RGS6: variants seen among roughly 807,000 people sequenced by gnomAD.
The protein encoded by RGS6 is regulator of G protein signaling 6.
In RGS6, 30 loss-of-function variants were observed where a neutral mutation model predicts 78.5. The observed-to-expected ratio is 0.38, with a 90% confidence interval of 0.29 to 0.52. RGS6 has a LOEUF of 0.52. Among genes scored for constraint, RGS6 ranks in the 20% least tolerant of loss-of-function variants. The pLI is 0.85. For missense variants in RGS6, 495 were observed against 609.7 expected (o/e 0.81, Z 1.98); for synonymous variants, 206 against 206.0 (o/e 1.00, Z 0.00).
chr14:72,264,651 A>G (rs563250397), intron 2 of RGS6, among the ~76,000 whole-genome samples: 2 of 152,260 alleles, frequency 1.3e-5, no homozygotes, highest in African/African-American at 4.8e-5. Flanking sequence ...ATTAGAGGAC[A>G]CTCTTACCAG....
At chr14:72,340,913 C>T (rs940399041) in intron 2 of RGS6, among the ~76,000 whole-genome samples, 16 of 152,182 alleles carry the variant, frequency 1.1e-4, no homozygotes, top group Admixed American at 3.3e-4. Flanking sequence ...GGGAAAGAAG[C>T]GGAACTTCAG....
chr14:71,920,620 T>G, the RGS6 span, among the ~76,000 whole-genome samples: 1 of 124,766 alleles, frequency 8.0e-6, no homozygotes, highest in Non-Finnish European at 1.7e-5. Flanking sequence ...CCTTCTTGCA[T>G]GCGCACACGC....
chr14:72,562,392 C>T, intron 17 of RGS6, 25 bp from the exon 18 acceptor site: 3 of 1,608,184 alleles, frequency 1.9e-6, no homozygotes, highest in Non-Finnish European at 2.5e-6. Context: ...CCTGTGCGTG[C>T]CTCTCTGTCG....
intron 2 of RGS6, among the ~76,000 whole-genome samples, chr14:72,179,245 G>A (rs944753608): frequency 4.9e-4 from 74 of 152,188 alleles, no homozygotes; most frequent in African/African-American, 1.6e-3. Flanking sequence ...TGAAATGCAT[G>A]CCTAATCTGC....
intron 7 of RGS6, 38 bp from the exon 8 acceptor site, chr14:72,469,969 T>G (rs1169204387): frequency 6.7e-7 from 1 of 1,488,812 alleles, no homozygotes; most frequent in South Asian, 1.1e-5. Flanking sequence ...TAATTTACGA[T>G]GATTAATGCC....
At chr14:72,155,383 C>G (rs2096755751) in intron 2 of RGS6, among the ~76,000 whole-genome samples, 1 of 152,214 alleles carries the variant, frequency 6.6e-6, no homozygotes, top group African/African-American at 2.4e-5. Context: ...GAATCAAAGA[C>G]TTGTCAGAAC....
At chr14:72,444,653 T>C (rs1321123423) in intron 3 of RGS6, among the ~76,000 whole-genome samples, 1 of 140,696 alleles carries the variant, frequency 7.1e-6, no homozygotes, top group Non-Finnish European at 1.6e-5. Flanking sequence ...GATTCCTCCT[T>C]CTCCATCCCA....
chr14:72,107,262 A>G (rs1286450898), intron 2 of RGS6, among the ~76,000 whole-genome samples: 3 of 152,186 alleles, frequency 2.0e-5, no homozygotes, highest in Admixed American at 1.3e-4. Context: ...AACATGAACT[A>G]CTAGGTTTAA....
intron 2 of RGS6, among the ~76,000 whole-genome samples, chr14:72,081,237 AT>A (rs34062537): frequency 6.6e-6 from 1 of 151,950 alleles, no homozygotes; most frequent in Non-Finnish European, 1.5e-5. Flanking sequence ...TCCTGGTTAA[AT>A]TTACCCCTAA....
chr14:72,606,838 T>C, the RGS6 span, among the ~76,000 whole-genome samples: 4 of 152,194 alleles, frequency 2.6e-5, no homozygotes, highest in African/African-American at 9.6e-5. Flanking sequence ...CTAGAACTGA[T>C]TGTTAAAAAG....
intron 17 of RGS6, among the ~76,000 whole-genome samples, chr14:72,556,855 C>T (rs1481201164): frequency 6.6e-6 from 1 of 151,890 alleles, no homozygotes; most frequent in Non-Finnish European, 1.5e-5. Context: ...TTCATCTATC[C>T]CTTGACTTTT....
chr14:72,527,947 G>A (rs183041916), intron 15 of RGS6, among the ~76,000 whole-genome samples: 1 of 152,312 alleles, frequency 6.6e-6, no homozygotes, highest in Admixed American at 6.5e-5. Context: ...CACAAGAAGA[G>A]CTCTTGGCCG....
At chr14:71,994,061 A>C (rs981087703) in intron 2 of RGS6, among the ~76,000 whole-genome samples, 11 of 152,014 alleles carry the variant, frequency 7.2e-5, no homozygotes, top group African/African-American at 2.4e-4. Flanking sequence ...AACTGATGCC[A>C]AACTATAGTT....
At chr14:72,134,461 C>G (rs918134199) in intron 2 of RGS6, among the ~76,000 whole-genome samples, 1 of 151,460 alleles carries the variant, frequency 6.6e-6, no homozygotes. Context: ...TCTACAGAAA[C>G]ATTTCCATTT....
intron 13 of RGS6, among the ~76,000 whole-genome samples, chr14:72,502,917 T>C (rs1372186362): frequency 1.3e-5 from 2 of 152,270 alleles, no homozygotes; most frequent in South Asian, 2.1e-4. Context: ...GATTATTTTC[T>C]TTTTAAGGAA....
intron 17 of RGS6, among the ~76,000 whole-genome samples, chr14:72,554,728 C>T (rs776653730): frequency 8.5e-5 from 13 of 152,104 alleles, no homozygotes; most frequent in South Asian, 4.2e-4. Flanking sequence ...AGGGTTGTTC[C>T]GTCAGATGAG....
intron 1 of RGS6, among the ~76,000 whole-genome samples, chr14:71,935,455 G>C (rs935398426): frequency 3.3e-5 from 5 of 152,070 alleles, no homozygotes; most frequent in Non-Finnish European, 7.3e-5. Context: ...ATATAACTTG[G>C]AAATGTGTTA....
intron 2 of RGS6, among the ~76,000 whole-genome samples, chr14:72,273,677 C>T (rs189351087): frequency 1.2e-3 from 179 of 152,226 alleles, no homozygotes; most frequent in Non-Finnish European, 1.6e-3. Flanking sequence ...AGTATAAGCT[C>T]TTGTAATTTT....
chr14:72,579,710 T>C, the RGS6 span, among the ~76,000 whole-genome samples: 32 of 152,210 alleles, frequency 2.1e-4, no homozygotes, highest in Admixed American at 2.1e-3. Flanking sequence ...GCAAAGGGTG[T>C]TGGCCCTGAT....
Sources: allele counts gnomAD v4.1 joint callset (sites outside exome capture counted in the v4.1 genomes callset), GRCh38; gene constraint gnomAD v4.1.1; transcripts MANE v1.5; gene names NCBI Gene and HGNC (gene_info 2026-07-23, HGNC 2026-07-21).